TMTC4: variants seen among roughly 807,000 people sequenced by gnomAD.
TMTC4 encodes the protein transmembrane O-mannosyltransferase targeting cadherins 4.
Under a neutral mutation model 86.0 loss-of-function variants are expected in TMTC4, and 65 were observed. That is an observed-to-expected ratio of 0.76 (90% CI 0.62 to 0.93). The LOEUF is 0.93. Among genes scored for constraint, TMTC4 ranks in the 40% least tolerant of loss-of-function variants. The probability of loss-of-function intolerance (pLI) is 0.00; values close to 1 mark genes in which losing one functional copy is unlikely to be tolerated. For synonymous variants in TMTC4, 379 were observed against 382.5 expected (o/e 0.99, Z 0.11); for missense variants, 866 against 948.1 (o/e 0.91, Z 1.14).
At chr13:100,646,630 G>T (rs1202139983) in intron 6 of TMTC4, among the ~76,000 whole-genome samples, 2 of 152,190 alleles carry the variant, frequency 1.3e-5, no homozygotes, top group Non-Finnish European at 2.9e-5. Context: ...CTGTGCCCTT[G>T]GGCAGCGATC....
chr13:100,664,095 C>T (rs2139038559), intron 4 of TMTC4, 126 bp downstream of exon 4: 3 of 758,612 alleles, frequency 4.0e-6, no homozygotes, highest in Admixed American at 3.1e-5. Context: ...ATATGAGCAG[C>T]TCAGACCCCA....
At chr13:100,646,128 A>G (rs553079471) in intron 6 of TMTC4, among the ~76,000 whole-genome samples, 35 of 152,232 alleles carry the variant, frequency 2.3e-4, no homozygotes, top group African/African-American at 8.2e-4. Flanking sequence ...GAGGATGGGA[A>G]CCAGTAATCG....
chr13:100,652,724 T>A (rs1217143310), intron 6 of TMTC4, among the ~76,000 whole-genome samples: 3 of 152,204 alleles, frequency 2.0e-5, no homozygotes, highest in Admixed American at 6.5e-5. Context: ...GTGCCTGCTA[T>A]GAGGGGTACA....
intron 17 of TMTC4, among the ~76,000 whole-genome samples, chr13:100,607,156 T>C (rs979318887): frequency 3.3e-5 from 5 of 152,210 alleles, no homozygotes; most frequent in Non-Finnish European, 5.9e-5. Context: ...CTGTTTTTAT[T>C]GACATGTGCC....
intron 12 of TMTC4, among the ~76,000 whole-genome samples, chr13:100,632,049 ACACACT>A (rs1245500480): frequency 2.6e-5 from 2 of 77,292 alleles, no homozygotes; most frequent in African/African-American, 8.4e-5. Context: ...ACACACACAC[ACACACT>A]CTCTCTCTCT....
intron 5 of TMTC4, among the ~76,000 whole-genome samples, chr13:100,661,937 T>A (rs2139025707): frequency 6.6e-6 from 1 of 152,244 alleles, no homozygotes; most frequent in East Asian, 2.0e-4. Context: ...AATGAATGAC[T>A]CCAGTCAAAT....
At chr13:100,619,523 G>A (rs905943677) in intron 15 of TMTC4, among the ~76,000 whole-genome samples, 1 of 152,108 alleles carries the variant, frequency 6.6e-6, no homozygotes, top group Admixed American at 6.5e-5. Flanking sequence ...CTTACTTACT[G>A]GCAAGTCTGT....
At position 100,636,603 on chromosome 13, in the gene TMTC4, AAGTGCAATTACCCTCC is replaced by A; in HGVS notation, c.1115_1130del (p.Trp372LeufsTer8). Reference sequence around the variant, plus strand: ...CAATTAGGCAGAACCAGAGTGCTGCAAGTGCAATTACCCTCCAGTCGCTGATGGACTTAATGAGGGG... The same window carrying A: ...CAATTAGGCAGAACCAGAGTGCTGCAAGTCGCTGATGGACTTAATGAGGGG... On this transcript the variant is annotated frameshift_variant, in exon 10 of 19. Transcript: ENST00000342624. LOFTEE classifies it high-confidence loss of function. 1 of 1,614,254 alleles carries A rather than the reference AAGTGCAATTACCCTCC, an allele frequency of 6.2e-7. No homozygotes were observed. Among genetic ancestry groups the A allele is most frequent in the Admixed American group, 1.7e-5 (1 of 60,034 alleles).
intron 17 of TMTC4, among the ~76,000 whole-genome samples, chr13:100,609,248 C>G (rs2153021775): frequency 6.6e-6 from 1 of 152,300 alleles, no homozygotes; most frequent in African/African-American, 2.4e-5. Context: ...GCAATAGTAT[C>G]TAGCTGGGAT....
At chr13:100,641,660 T>C (rs1883031587) in intron 7 of TMTC4, among the ~76,000 whole-genome samples, 1 of 152,172 alleles carries the variant, frequency 6.6e-6, no homozygotes, top group South Asian at 2.1e-4. Flanking sequence ...GCTAATTTTG[T>C]ATTTTTAGTA....
intron 16 of TMTC4, 109 bp from the exon 17 acceptor site, chr13:100,612,619 T>C: frequency 1.4e-6 from 1 of 707,500 alleles, no homozygotes; most frequent in South Asian, 1.7e-5. Context: ...CAATTATGAA[T>C]AAACTACTTA....
Position 100,626,094 on chromosome 13 carries a change from G to C in TMTC4, c.1563C>G (p.Ile521Met). The C allele has an allele frequency of 6.2e-7, 1 of 1,614,220 alleles. No homozygotes were observed. The highest frequency in any genetic ancestry group is 8.5e-7 in the Non-Finnish European group (1 of 1,180,038). Reference sequence around the variant, plus strand: ...ACCTTACAGCTTCCCGGTAGTATCTGATGGCAGCTGTCTGGTTGCCTTTAT... The same window carrying C: ...ACCTTACAGCTTCCCGGTAGTATCTCATGGCAGCTGTCTGGTTGCCTTTAT... ...LADKGNQTAA[I>M]RYYREAVRLN... The change falls in exon 13 of 19, where the codon ATC becomes ATG. Residue 521 changes from isoleucine to methionine, a missense_variant. Transcript: ENST00000342624.
At chr13:100,623,640 GTTTTGTTTTTTTTT>G (rs1323988444) in intron 15 of TMTC4, among the ~76,000 whole-genome samples, 4 of 96,166 alleles carry the variant, frequency 4.2e-5, no homozygotes, top group African/African-American at 1.0e-4. Flanking sequence ...TACTAGTTGG[GTTTTGTTTTTTTTT>G]TTTTTTTTTT....
intron 6 of TMTC4, among the ~76,000 whole-genome samples, chr13:100,645,057 C>T (rs1445646983): frequency 6.6e-6 from 1 of 152,198 alleles, no homozygotes; most frequent in Admixed American, 6.5e-5. Flanking sequence ...TGTGATCCAC[C>T]CGCCTCGGCC....
intron 1 of TMTC4, among the ~76,000 whole-genome samples, chr13:100,673,845 G>C (rs1022407378): frequency 6.6e-6 from 1 of 152,116 alleles, no homozygotes; most frequent in African/African-American, 2.4e-5. Flanking sequence ...GGCGCAGACA[G>C]GACTGCAGAG....
rs1412275735 is a variant in TMTC4 at position 100,644,116 on chromosome 13, T to TC, written c.641-1806_641-1805insG. On this transcript the variant is annotated intron_variant, in intron 6 of 18. Transcript: ENST00000342624. ...AGGCGCTCTTTTTTTTTTTTTTTTT[T>TC]TCTTTTTGAGACAGAGTCTCACTCT... 3.9e-3 allele frequency among the ~76,000 whole-genome samples: 575 copies of TC among 147,678 alleles called. 6 individuals carry two copies. The highest frequency in any genetic ancestry group is 0.014 in the African/African-American group (559 of 40,052).
At chr13:100,673,630 C>T (rs147187564) in intron 1 of TMTC4, among the ~76,000 whole-genome samples, 2 of 152,222 alleles carry the variant, frequency 1.3e-5, no homozygotes, top group East Asian at 3.9e-4. Flanking sequence ...CTACTGAAGG[C>T]TAAGGTATCG....
In TMTC4 at chr13:100,663,184, C is replaced by T; in HGVS notation, c.336-4G>A. The T allele has an allele frequency of 1.2e-6, 2 of 1,614,080 alleles. No homozygotes were observed. Among genetic ancestry groups the T allele is most frequent in the Non-Finnish European group, 1.7e-6 (2 of 1,179,958 alleles). ...TCCCGAGAGGTAGTAGTTAATCCTG[C>T]AGAAACACAGGGTGTTCAGGGTACA... is the stretch of plus-strand genomic sequence containing the variant. On this transcript the variant is annotated splice_region_variant and splice_polypyrimidine_tract_variant and intron_variant, in intron 4 of 18. Transcript: ENST00000342624.
At chr13:100,637,358 C>T (rs1182625905) in intron 9 of TMTC4, among the ~76,000 whole-genome samples, 180 bp downstream of exon 9, 1 of 152,174 alleles carries the variant, frequency 6.6e-6, no homozygotes, top group Non-Finnish European at 1.5e-5. Flanking sequence ...TTTCAACCCC[C>T]TCAGGAAGAC....
Sources: allele counts gnomAD v4.1 joint callset (sites outside exome capture counted in the v4.1 genomes callset), GRCh38; gene constraint gnomAD v4.1.1; transcripts MANE v1.5; gene names NCBI Gene and HGNC (gene_info 2026-07-23, HGNC 2026-07-21).